Variants in RAB30 observed in about 807,000 individuals in gnomAD.
RAB30 encodes the protein ras-related protein Rab-30.
RAB30 carries 9 observed loss-of-function variants against 25.1 expected under a neutral mutation model. That is an observed-to-expected ratio of 0.36 (90% CI 0.22 to 0.63). The LOEUF (loss-of-function observed/expected upper bound fraction) is 0.63, where lower values mean the gene tolerates loss of function less well. Ranked by LOEUF, RAB30 falls within the 20% of genes least tolerant of loss-of-function variation. The probability of loss-of-function intolerance (pLI) is 0.69; values close to 1 mark genes in which losing one functional copy is unlikely to be tolerated. For missense variants in RAB30, 140 were observed against 243.5 expected (o/e 0.58, Z 2.83); for synonymous variants, 77 against 86.4 (o/e 0.89, Z 0.60).
intron 1 of RAB30, among the ~76,000 whole-genome samples, chr11:83,022,612 A>G (rs1288855167): frequency 1.3e-5 from 2 of 152,178 alleles, no homozygotes; most frequent in Admixed American, 1.3e-4. Flanking sequence ...GAATTTTTAA[A>G]TAAGTATCCT....
intron 1 of RAB30, among the ~76,000 whole-genome samples, chr11:83,030,181 G>GC (rs2121513645): frequency 6.6e-6 from 1 of 152,162 alleles, no homozygotes; most frequent in Admixed American, 6.5e-5. Flanking sequence ...TAACCCAAAA[G>GC]CCATTTAAAA....
At chr11:83,041,711 T>C (rs1858120852) in intron 1 of RAB30, 1 of 153,976 alleles carries the variant, frequency 6.5e-6, no homozygotes, top group African/African-American at 2.4e-5. Flanking sequence ...AAAAAGTTTT[T>C]ATAAACTTTT....
In RAB30 at chr11:82,982,185, T is replaced by A. The variant is rs780091937; in HGVS notation, c.592A>T (p.Thr198Ser). ...PGEGKSISYLTCCNFN is the reference protein window; with the variant it reads ...PGEGKSISYLSCCNFN ...AGCCTTTAGTTGAAATTACAACAAGTCAAATAGCTGATGCTTTTCCCTTCT... is the reference window on the plus strand; with the variant it reads ...AGCCTTTAGTTGAAATTACAACAAGACAAATAGCTGATGCTTTTCCCTTCT... The change falls in exon 5 of 5, where the codon ACT (threonine) becomes TCT (serine). Residue 198 changes from threonine (T) to serine (S), a missense_variant. Coordinates refer to ENST00000527633, the MANE Select transcript of RAB30 (RefSeq NM_001286060.2). 6.2e-7 allele frequency: 1 copy of A among 1,614,218 alleles called. No individual in the cohort carries two copies. The highest frequency in any genetic ancestry group is 1.7e-5 in the Admixed American group (1 of 60,028).
intron 3 of RAB30, chr11:82,992,511 G>A (rs1465203574): frequency 2.6e-6 from 1 of 392,040 alleles, no homozygotes; most frequent in Non-Finnish European, 5.2e-6. Flanking sequence ...GCATTATGGA[G>A]CTTCTCTGCT....
intron 1 of RAB30, among the ~76,000 whole-genome samples, chr11:83,037,192 T>A (rs9666167): frequency 3.8e-4 from 57 of 151,558 alleles, no homozygotes; most frequent in Non-Finnish European, 5.9e-4. Flanking sequence ...AGTGTTTTTT[T>A]AAAAAATAAA....
At chr11:82,994,156 C>T in intron 2 of RAB30, 34 bp from the exon 3 acceptor site, 2 of 1,529,414 alleles carry the variant, frequency 1.3e-6, no homozygotes, top group Non-Finnish European at 1.8e-6. Context: ...AACAGCTAAG[C>T]AAATATTTCC....
At chr11:83,047,234 C>T (rs959109363) in intron 1 of RAB30, among the ~76,000 whole-genome samples, 1 of 152,082 alleles carries the variant, frequency 6.6e-6, no homozygotes, top group South Asian at 2.1e-4. Context: ...TTTTGGATGA[C>T]GGTGGCACCT....
At chr11:83,010,448 A>G (rs957991373) in intron 1 of RAB30, among the ~76,000 whole-genome samples, 6 of 152,210 alleles carry the variant, frequency 3.9e-5, no homozygotes, top group Non-Finnish European at 8.8e-5. Flanking sequence ...GTCTCTAAAA[A>G]ACAAAAATAA....
chr11:83,059,361 A>T (rs1028578283), intron 1 of RAB30, among the ~76,000 whole-genome samples: 1 of 152,120 alleles, frequency 6.6e-6, no homozygotes, highest in Non-Finnish European at 1.5e-5. Flanking sequence ...AGATTTTTCC[A>T]TATCTGTACT....
At chr11:83,055,115 C>CT (rs1458340077) in intron 1 of RAB30, among the ~76,000 whole-genome samples, 4 of 152,244 alleles carry the variant, frequency 2.6e-5, no homozygotes, top group Non-Finnish European at 2.9e-5. Flanking sequence ...CTTCCTCTCT[C>CT]TGAGTCACAA....
chr11:83,048,902 A>T (rs111292648), intron 1 of RAB30, among the ~76,000 whole-genome samples: 5 of 152,046 alleles, frequency 3.3e-5, no homozygotes, highest in African/African-American at 1.2e-4. Flanking sequence ...GAGTGGCTGT[A>T]CTCCACCCTT....
intron 1 of RAB30, among the ~76,000 whole-genome samples, chr11:83,056,880 T>C (rs933803817): frequency 2.6e-5 from 4 of 152,202 alleles, no homozygotes; most frequent in African/African-American, 9.6e-5. Context: ...AGTTACAGAA[T>C]GAAAATAACT....
intron 1 of RAB30, among the ~76,000 whole-genome samples, chr11:83,061,468 T>C (rs1420132124): frequency 6.6e-6 from 1 of 152,198 alleles, no homozygotes; most frequent in East Asian, 1.9e-4. Context: ...TTCCATGTAA[T>C]GGTATTGTGA....
At chr11:83,006,542 G>T (rs1297300602) in intron 1 of RAB30, among the ~76,000 whole-genome samples, 1 of 151,976 alleles carries the variant, frequency 6.6e-6, no homozygotes, top group Non-Finnish European at 1.5e-5. Context: ...TTGCCCCTGG[G>T]GAGGCTATAA....
intron 1 of RAB30, among the ~76,000 whole-genome samples, chr11:83,020,400 C>G (rs768966520): frequency 4.6e-5 from 7 of 152,366 alleles, no homozygotes; most frequent in Middle Eastern, 3.4e-3. Flanking sequence ...GCCTCAGCCC[C>G]CTCCGGACTT....
At chr11:82,989,614 C>T (rs1172778871) in intron 3 of RAB30, among the ~76,000 whole-genome samples, 1 of 152,210 alleles carries the variant, frequency 6.6e-6, no homozygotes, top group African/African-American at 2.4e-5. Flanking sequence ...CCCTAAAACA[C>T]TTGTGATTGC....
chr11:83,017,439 A>G (rs777166993), intron 1 of RAB30, among the ~76,000 whole-genome samples: 1 of 152,084 alleles, frequency 6.6e-6, no homozygotes, highest in Non-Finnish European at 1.5e-5. Flanking sequence ...TTACATGGCT[A>G]AGATCTTTAG....
intron 1 of RAB30, among the ~76,000 whole-genome samples, chr11:83,003,877 G>C (rs1324917710): frequency 6.6e-6 from 1 of 151,878 alleles, no homozygotes; most frequent in Non-Finnish European, 1.5e-5. Context: ...TCTGCAAATA[G>C]AACCGATTAC....
intron 2 of RAB30, among the ~76,000 whole-genome samples, chr11:82,996,139 G>A (rs1455628881): frequency 6.6e-6 from 1 of 152,176 alleles, no homozygotes; most frequent in Non-Finnish European, 1.5e-5. Context: ...AAAAAGCATG[G>A]GTTCTATTCA....
Sources: gnomAD v4.1 joint callset for allele counts (sites outside exome capture counted in the v4.1 genomes callset) on GRCh38, gnomAD v4.1.1 for gene constraint, MANE v1.5 for transcripts, NCBI Gene and HGNC (gene_info 2026-07-23, HGNC 2026-07-21) for gene names.